Variants in ARHGAP35 observed in about 807,000 individuals in gnomAD.
ARHGAP35 encodes rho GTPase-activating protein 35.
Under a neutral mutation model 111.1 loss-of-function variants are expected in ARHGAP35, and 15 were observed. The observed-to-expected ratio is 0.13, with a 90% CI of 0.09 to 0.21. ARHGAP35 has a LOEUF of 0.21. ARHGAP35 is among the 10% of genes least tolerant of loss of function. The pLI is 1.00. For synonymous variants in ARHGAP35, 643 were observed against 710.3 expected, an observed-to-expected ratio of 0.91 and a Z score of 1.51; for missense variants, 1,262 against 1,873.0, an observed-to-expected ratio of 0.67 and a Z score of 6.02.
intron 2 of ARHGAP35, among the ~76,000 whole-genome samples, chr19:46,931,471 C>T (rs991805975): frequency 2.0e-5 from 3 of 152,094 alleles, no homozygotes; most frequent in Non-Finnish European, 4.4e-5. Flanking sequence ...CTGCCACAGT[C>T]GGGAGTTTCC....
chr19:46,877,728 G>T (rs534960863), intron 1 of ARHGAP35, among the ~76,000 whole-genome samples: 1 of 151,346 alleles, frequency 6.6e-6, no homozygotes, highest in Admixed American at 6.6e-5. Context: ...TTGGAGGGGG[G>T]ACAGTTTCGC....
chr19:46,936,245 A>G (rs1390416369), intron 2 of ARHGAP35, among the ~76,000 whole-genome samples: 1 of 152,144 alleles, frequency 6.6e-6, no homozygotes, highest in Non-Finnish European at 1.5e-5. Flanking sequence ...CTGTCTGAAA[A>G]TTATAATAAT....
intron 3 of ARHGAP35, among the ~76,000 whole-genome samples, chr19:46,978,850 G>GAT (rs2056600887): frequency 1.6e-5 from 2 of 124,262 alleles, no homozygotes; most frequent in Non-Finnish European, 3.3e-5. Context: ...TGTGTGGTGG[G>GAT]GTGTGTGTAT....
chr19:46,874,374 A>C (rs970898811), intron 1 of ARHGAP35, among the ~76,000 whole-genome samples: 7 of 152,094 alleles, frequency 4.6e-5, no homozygotes, highest in African/African-American at 1.4e-4. Context: ...ACTTGATCTT[A>C]TCTTAAAGAA....
chr19:46,975,894 C>T (rs2056577093), intron 3 of ARHGAP35, among the ~76,000 whole-genome samples: 1 of 152,188 alleles, frequency 6.6e-6, no homozygotes, highest in Non-Finnish European at 1.5e-5. Flanking sequence ...TATTTCCCTG[C>T]AGTCAGCCTA....
rs371996167 is a variant in ARHGAP35 at position 46,919,315 on chromosome 19, C to T, written c.640C>T (p.His214Tyr). 3.1e-6 allele frequency: 5 copies of T among 1,614,004 alleles called. No individual in the cohort carries two copies. The highest frequency in any genetic ancestry group is 4.2e-6 in the Non-Finnish European group (5 of 1,179,896). Reference sequence around the variant, plus strand: ...TGTTGAGCGGTACATTAGAGATGCACATACTTTTGCCTTAAGCAAAAAGAA... The same window carrying T: ...TGTTGAGCGGTACATTAGAGATGCATATACTTTTGCCTTAAGCAAAAAGAA... ...EGVERYIRDA[H>Y]TFALSKKNLQ... Residue 214 changes from histidine (H) to tyrosine (Y), a missense_variant, in exon 2 of 7, where the codon CAT becomes TAT. This residue lies in a region of ARHGAP35 where 125 missense variants were observed against 301.7 expected (regional missense o/e 0.41). Transcript: ENST00000672722. The surrounding 1 kb of genome is among the most constrained non-coding windows in gnomAD (Gnocchi z 6.2).
chr19:46,916,544 C>T (rs1428707602), intron 1 of ARHGAP35, among the ~76,000 whole-genome samples: 1 of 152,116 alleles, frequency 6.6e-6, no homozygotes, highest in Non-Finnish European at 1.5e-5. Flanking sequence ...TTGTGTCAAG[C>T]ACTGTGTCAT....
intron 1 of ARHGAP35, among the ~76,000 whole-genome samples, chr19:46,871,422 G>A (rs548786496): frequency 6.9e-4 from 105 of 152,056 alleles, no homozygotes; most frequent in Non-Finnish European, 1.2e-3. Context: ...GGCTCACTGC[G>A]ACCTCCACCT....
chr19:46,980,300 G>A lies in ARHGAP35; in HGVS notation c.3827-7689G>A, dbSNP rs565244605. ...CTCGGGAGGCTGAAGCAGGAGAATCGCTGGAACCCGGGAAGCGGAGGTTGC... is the reference window on the plus strand; with the variant it reads ...CTCGGGAGGCTGAAGCAGGAGAATCACTGGAACCCGGGAAGCGGAGGTTGC... On this transcript the variant is annotated intron_variant, in intron 3 of 6. Transcript: ENST00000672722. Among the ~76,000 whole-genome samples, 9 of 152,242 alleles carry A rather than the reference G, an allele frequency of 5.9e-5. No individual in the cohort carries two copies. The South Asian group carries it at 1.9e-3, about 32-fold the overall frequency.
intron 3 of ARHGAP35, chr19:46,948,103 G>A (rs1469736498): frequency 6.6e-6 from 1 of 152,210 alleles, no homozygotes; most frequent in African/African-American, 2.4e-5. Flanking sequence ...CCTCGCAGGG[G>A]AGGGTCTTAA....
At chr19:46,884,496 T>TC (rs2055982929) in intron 1 of ARHGAP35, among the ~76,000 whole-genome samples, 1 of 148,412 alleles carries the variant, frequency 6.7e-6, no homozygotes, top group African/African-American at 2.5e-5. Context: ...TGATATCCTT[T>TC]TTTTTTTTTT....
At chr19:46,914,701 T>C (rs539040060) in intron 1 of ARHGAP35, among the ~76,000 whole-genome samples, 1 of 152,328 alleles carries the variant, frequency 6.6e-6, no homozygotes, top group East Asian at 1.9e-4. Context: ...AATATGCCAT[T>C]AAAAAATATA....
intron 2 of ARHGAP35, among the ~76,000 whole-genome samples, chr19:46,925,220 T>A (rs2056231106): frequency 6.6e-6 from 1 of 152,190 alleles, no homozygotes. Context: ...TTTTCCTGCC[T>A]TGGAAAATGG....
intron 1 of ARHGAP35, among the ~76,000 whole-genome samples, chr19:46,872,850 C>T (rs1043341473): frequency 7.5e-5 from 11 of 146,692 alleles, no homozygotes; most frequent in African/African-American, 2.3e-4. Context: ...CACTACACTC[C>T]GGCCTGGGCG....
Position 47,001,263 on chromosome 19 carries a change from A to G in ARHGAP35, c.*575A>G, listed in dbSNP as rs1274222353. 7.8e-6 allele frequency: 10 copies of G among 1,289,524 alleles called. No individual in the cohort carries two copies. In the East Asian group the frequency reaches 5.0e-4, roughly 64 times the overall value. 79.9% of individuals were successfully genotyped at this position (1,289,524 alleles called of 1,614,324 possible). A position where few individuals can be genotyped will look rare whatever the true frequency, so the allele number is the denominator to read the frequency against. On this transcript the variant is annotated 3_prime_UTR_variant, in exon 7 of 7. Coordinates refer to ENST00000672722, the MANE Select transcript of ARHGAP35 (RefSeq NM_004491.5). The surrounding 1 kb of genome is among the most constrained non-coding windows in gnomAD (Gnocchi z 5.4). Reference sequence around the variant, plus strand: ...GGCGCTGGCTCTGCAGATCAGAACAACGGAGGATAGCTTTGTGCCTGGACC... The same window carrying G: ...GGCGCTGGCTCTGCAGATCAGAACAGCGGAGGATAGCTTTGTGCCTGGACC...
Position 46,911,622 on chromosome 19 carries a change from T to C in ARHGAP35, c.-188-6866T>C, listed in dbSNP as rs139361136. On this transcript the variant is annotated intron_variant, in intron 1 of 6. Transcript: ENST00000672722. The stretch of plus-strand genomic sequence containing the variant: ...ATTCTGTTGTCCTTGTTGAGTTTGA[T>C]GGAATCCTTCTGTAAGATACTCTTC... Among the ~76,000 whole-genome samples, 4 of 152,354 alleles carry C rather than the reference T, an allele frequency of 2.6e-5. No homozygotes were observed. The East Asian group carries it at 7.7e-4, about 29-fold the overall frequency.
At chr19:46,891,520 G>A (rs769527931) in intron 1 of ARHGAP35, among the ~76,000 whole-genome samples, 5 of 150,966 alleles carry the variant, frequency 3.3e-5, no homozygotes, top group Non-Finnish European at 5.9e-5. Context: ...TCCGCCTCCC[G>A]GGTTCAAGCG....
intron 1 of ARHGAP35, among the ~76,000 whole-genome samples, chr19:46,866,703 G>T (rs1056564229): frequency 5.3e-5 from 8 of 152,122 alleles, no homozygotes; most frequent in Non-Finnish European, 1.0e-4. Flanking sequence ...TGTGTAGGGG[G>T]CTCTTTCCCT....
chr19:46,911,329 A>AT (rs1180061154), intron 1 of ARHGAP35, among the ~76,000 whole-genome samples: 3 of 151,848 alleles, frequency 2.0e-5, no homozygotes, highest in Non-Finnish European at 2.9e-5. Flanking sequence ...TGGTTTGGCT[A>AT]TTTTTTTTAA....
Sources: gnomAD v4.1 joint callset for allele counts (sites outside exome capture counted in the v4.1 genomes callset) on GRCh38, gnomAD v4.1.1 for gene constraint, gnomAD v4.1.1 regional missense constraint, Gnocchi (gnomAD v3.1) non-coding constraint, MANE v1.5 for transcripts, NCBI Gene and HGNC (gene_info 2026-07-23, HGNC 2026-07-21) for gene names.